Variants in PAN3 observed in about 807,000 individuals in gnomAD.
The protein encoded by PAN3 is poly(A) specific ribonuclease subunit PAN3.
PAN3 carries 19 observed loss-of-function variants against 96.2 expected under a neutral mutation model. The ratio of observed to expected loss-of-function variants is 0.20; its 90% CI spans 0.14 to 0.29. The LOEUF (loss-of-function observed/expected upper bound fraction) is 0.29. Ranked by LOEUF, PAN3 falls within the 10% of genes least tolerant of loss-of-function variation. The pLI is 1.00. For synonymous variants in PAN3, 433 were observed against 406.6 expected (o/e 1.06, Z -0.78); for missense variants, 882 against 1,108.1 (o/e 0.80, Z 2.90).
intron 5 of PAN3, among the ~76,000 whole-genome samples, chr13:28,204,079 G>C (rs1879073296): frequency 6.6e-6 from 1 of 152,068 alleles, no homozygotes; most frequent in African/African-American, 2.4e-5. Flanking sequence ...AAAGTGCTGG[G>C]ATTACAGGCG....
intron 7 of PAN3, among the ~76,000 whole-genome samples, chr13:28,257,701 A>ATATATATTATATATAATAAATATATATTC (rs1566234844): frequency 7.2e-6 from 1 of 138,716 alleles, no homozygotes; most frequent in Non-Finnish European, 1.5e-5. Flanking sequence ...AATATATATT[A>ATATATATTATATATAATAAATATATATTC]TATATATTAT....
At chr13:28,250,754 T>C (rs978468679) in intron 6 of PAN3, among the ~76,000 whole-genome samples, 3 of 152,216 alleles carry the variant, frequency 2.0e-5, no homozygotes, top group African/African-American at 7.2e-5. Flanking sequence ...TCCGCCTGCG[T>C]CAGCCTCCCA....
chr13:28,288,001 C>G lies in PAN3; in HGVS notation c.2402C>G (p.Thr801Ser). The change falls in exon 18 of 19, where the codon ACT becomes AGT. Residue 801 changes from threonine to serine, a missense_variant. Transcript: ENST00000380958. ...NERPEFQKDP[T>S]WSETGDRYLL... ...TCCCCCAGGTTTCAGAAGGATCCCA[C>G]TTGGTCAGAGACTGGAGACCGTTAT... The G allele has an allele frequency of 6.2e-7, 1 of 1,611,286 alleles. No homozygotes were observed. Among genetic ancestry groups the G allele is most frequent in the South Asian group, 1.1e-5 (1 of 90,256 alleles).
chr13:28,178,404 A>G (rs918635027), intron 4 of PAN3, among the ~76,000 whole-genome samples: 1 of 152,152 alleles, frequency 6.6e-6, no homozygotes, highest in Non-Finnish European at 1.5e-5. Context: ...ATCTCTTCAC[A>G]TTAGAAATTT....
intron 4 of PAN3, among the ~76,000 whole-genome samples, chr13:28,178,995 G>T (rs1875416466): frequency 6.6e-6 from 1 of 151,278 alleles, no homozygotes; most frequent in Admixed American, 6.6e-5. Flanking sequence ...AAAAAGTTAT[G>T]AAGACTGATA....
At chr13:28,140,333 T>C (rs1186888973) in intron 1 of PAN3, among the ~76,000 whole-genome samples, 3 of 152,188 alleles carry the variant, frequency 2.0e-5, no homozygotes, top group African/African-American at 7.2e-5. Context: ...TGTCCCTGTT[T>C]TGTTTCTTAG....
At chr13:28,277,213 G>A in intron 14 of PAN3, 24 bp from the exon 15 acceptor site, 1 of 1,591,010 alleles carries the variant, frequency 6.3e-7, no homozygotes, top group East Asian at 2.2e-5. Flanking sequence ...AAAATTAAAA[G>A]TTATATTTAT....
intron 15 of PAN3, among the ~76,000 whole-genome samples, chr13:28,280,029 A>G (rs895078394): frequency 5.3e-5 from 8 of 151,810 alleles, no homozygotes; most frequent in African/African-American, 1.7e-4. Flanking sequence ...AAAGTGATCC[A>G]CCTGCCTCGG....
At chr13:28,198,994 G>T (rs1878393811) in intron 5 of PAN3, among the ~76,000 whole-genome samples, 2 of 152,172 alleles carry the variant, frequency 1.3e-5, no homozygotes, top group Admixed American at 1.3e-4. Context: ...GATAAGAAAA[G>T]ACAGGGGTTT....
At position 28,292,675 on chromosome 13, in the gene PAN3, G is replaced by A; in HGVS notation, c.*153G>A. ...ACTTCAGTCAGGTACACTGTTACTT[G>A]AAAGGAAGAATGTTTCACTTACCCA... On this transcript the variant is annotated 3_prime_UTR_variant, in exon 19 of 19. Coordinates refer to ENST00000380958, the MANE Select transcript of PAN3 (RefSeq NM_175854.8). 1.7e-6 allele frequency: 1 copy of A among 596,218 alleles called. No individual in the cohort carries two copies. The highest frequency in any genetic ancestry group is 3.3e-5 in the East Asian group (1 of 30,392). The allele number at this position is 596,218 out of a possible 1,614,324, so 36.9% of individuals were successfully genotyped here.
chr13:28,223,029 T>C (rs1264572130), intron 6 of PAN3, among the ~76,000 whole-genome samples: 1 of 152,170 alleles, frequency 6.6e-6, no homozygotes, highest in Non-Finnish European at 1.5e-5. Flanking sequence ...TTGAGCAAAG[T>C]TGAGTGGATA....
intron 5 of PAN3, chr13:28,215,529 C>T (rs1566194725): frequency 1.5e-6 from 1 of 676,396 alleles, no homozygotes; most frequent in Non-Finnish European, 2.7e-6. Context: ...CAGTTGGCCT[C>T]ACTGCTCAGT....
intron 6 of PAN3, among the ~76,000 whole-genome samples, chr13:28,229,978 T>G (rs372708911): frequency 5.9e-4 from 90 of 152,306 alleles, no homozygotes; most frequent in African/African-American, 2.1e-3. Context: ...TATCTCCTCT[T>G]TCCTCTTAAT....
At chr13:28,266,615 A>G in intron 9 of PAN3, 100 bp from the exon 10 acceptor site, 3 of 900,740 alleles carry the variant, frequency 3.3e-6, no homozygotes, top group Non-Finnish European at 4.8e-6. Flanking sequence ...GCACATTGTG[A>G]TACACAAGGG....
At chr13:28,281,471 G>A (rs1593630726) in intron 17 of PAN3, 92 bp downstream of exon 17, 1 of 1,114,278 alleles carries the variant, frequency 9.0e-7, no homozygotes, top group Non-Finnish European at 1.3e-6. Flanking sequence ...TTTGGAAAAA[G>A]AGAAAAATTC....
At chr13:28,194,450 G>GTATATATATATA (rs1372227182) in intron 4 of PAN3, among the ~76,000 whole-genome samples, 6 of 100,084 alleles carry the variant, frequency 6.0e-5, no homozygotes, top group African/African-American at 2.6e-4. Flanking sequence ...ATATATGTAT[G>GTATATATATATA]TATATATATA....
intron 4 of PAN3, among the ~76,000 whole-genome samples, chr13:28,180,665 A>G (rs1224616327): frequency 6.6e-6 from 1 of 152,236 alleles, no homozygotes; most frequent in Non-Finnish European, 1.5e-5. Flanking sequence ...TAATTAAACT[A>G]TGCTTACCAC....
At chr13:28,245,041 G>T (rs575823421) in intron 6 of PAN3, among the ~76,000 whole-genome samples, 1 of 152,038 alleles carries the variant, frequency 6.6e-6, no homozygotes, top group East Asian at 1.9e-4. Context: ...TAGAGACAGG[G>T]TTTCACCATG....
chr13:28,149,031 C>T (rs879496554), intron 1 of PAN3, among the ~76,000 whole-genome samples: 6 of 151,704 alleles, frequency 4.0e-5, no homozygotes, highest in Non-Finnish European at 7.4e-5. Flanking sequence ...ATAGAGTCTT[C>T]AGTAATCTGG....
Sources: allele counts gnomAD v4.1 joint callset (sites outside exome capture counted in the v4.1 genomes callset), GRCh38; gene constraint gnomAD v4.1.1; transcripts MANE v1.5; gene names NCBI Gene and HGNC (gene_info 2026-07-23, HGNC 2026-07-21).